The following DCPS variants were observed in gnomAD, a reference collection of about 807,000 sequenced individuals.
DCPS encodes decapping enzyme, scavenger.
A neutral mutation model predicts 34.7 loss-of-function variants in DCPS; 27 were observed. That is an observed-to-expected ratio of 0.78 (90% CI 0.57 to 1.07). The LOEUF (loss-of-function observed/expected upper bound fraction) is 1.07, where lower values mean the gene tolerates loss of function less well. DCPS is among the 50% of genes least tolerant of loss of function. DCPS has a pLI of 0.00. For missense variants in DCPS, 464 were observed against 436.9 expected, an observed-to-expected ratio of 1.06 and a Z score of -0.55; for synonymous variants, 185 against 185.7, an observed-to-expected ratio of 1.00 and a Z score of 0.03.
Position 126,335,216 on chromosome 11 carries a change from G to C in DCPS, c.523-3070G>C, listed in dbSNP as rs1264995004. ...CAGAGAGCAGGAGGTGATGAGGAAGGAGCAAGATGTCTCACGGGAGGTCAA... is the reference window on the plus strand; with the variant it reads ...CAGAGAGCAGGAGGTGATGAGGAAGCAGCAAGATGTCTCACGGGAGGTCAA... On this transcript the variant is annotated intron_variant, in intron 3 of 5. Transcript: ENST00000263579. This position sits in a 1 kb window ranked among gnomAD's most constrained non-coding sequence, Gnocchi z 4.8. 6.6e-6 allele frequency among the ~76,000 whole-genome samples: 1 copy of C among 152,242 alleles called. No homozygotes were observed. Among genetic ancestry groups the C allele is most frequent in the Non-Finnish European group, 1.5e-5 (1 of 68,040 alleles).
chr11:126,315,136 C>T lies in DCPS; in HGVS notation c.376+8392C>T, dbSNP rs1951648261. Among the ~76,000 whole-genome samples the T allele has an allele frequency of 1.3e-5, 2 of 152,036 alleles. No homozygotes were observed. Among genetic ancestry groups the T allele is most frequent in the African/African-American group, 4.8e-5 (2 of 41,328 alleles). On this transcript the variant is annotated intron_variant, in intron 2 of 5. Coordinates refer to ENST00000263579, the MANE Select transcript of DCPS (RefSeq NM_014026.6). The surrounding 1 kb of genome is among the most constrained non-coding windows in gnomAD (Gnocchi z 6.1). ...AGGAGTAAGAGGATCAAAAAACTCC[C>T]TATCAGGTATTATGCTTATTACCTG...
rs1389288524 is a variant in DCPS, at chr11:126,344,387, G to T, written c.748-960G>T. On this transcript the variant is annotated intron_variant, in intron 5 of 5. Transcript: ENST00000263579. This position sits in a 1 kb window ranked among gnomAD's most constrained non-coding sequence, Gnocchi z 8.1. ...TGGATATTACAAATGGCAAAGAATG[G>T]TGTCTTTCTCTTGGGGAGATGCCAG... Among the ~76,000 whole-genome samples the T allele has an allele frequency of 6.6e-6, 1 of 152,152 alleles. No homozygotes were observed. The highest frequency in any genetic ancestry group is 1.9e-4 in the East Asian group (1 of 5,188).
rs141670195 is a variant in DCPS at position 126,331,418 on chromosome 11, C to T, written c.390C>T (p.Thr130=). 48 of 1,613,946 alleles carry T rather than the reference C, an allele frequency of 3.0e-5. No individual in the cohort carries two copies. Among genetic ancestry groups the T allele is most frequent in the African/African-American group, 2.4e-4 (18 of 74,868 alleles). ...GTATCATTGCAGATGTAAAGACGAC[C>T]GTGGTTTACCCTGCCACAGAGAAAC... is the stretch of plus-strand genomic sequence containing the variant. ...PPRQLNDVKT[T]VVYPATEKHL... is the part of the protein sequence containing the mutation. The change falls in exon 3 of 6, where the codon ACC becomes ACT. Residue 130 remains threonine (T), a synonymous_variant. Coordinates refer to ENST00000263579, the MANE Select transcript of DCPS (RefSeq NM_014026.6). This position sits in a 1 kb window ranked among gnomAD's most constrained non-coding sequence, Gnocchi z 7.2.
intron 2 of DCPS, among the ~76,000 whole-genome samples, chr11:126,308,839 A>C (rs565445015): frequency 1.1e-4 from 17 of 152,004 alleles, no homozygotes; most frequent in African/African-American, 4.1e-4. Context: ...ATTGCACACA[A>C]GTGGAGGTAG....
Position 126,319,503 on chromosome 11 carries a change from A to T in DCPS, c.377-11902A>T, listed in dbSNP as rs1052879464. Among the ~76,000 whole-genome samples, 1 of 151,886 alleles carries T rather than the reference A, an allele frequency of 6.6e-6. No individual in the cohort carries two copies. Among genetic ancestry groups the T allele is most frequent in the African/African-American group, 2.4e-5 (1 of 41,334 alleles). Reference sequence around the variant, plus strand: ...CACACGGCTCTCCAGAGCTCAGGGGAGTGGACTCTCCTTCCCTGAGCTCCC... The same window carrying T: ...CACACGGCTCTCCAGAGCTCAGGGGTGTGGACTCTCCTTCCCTGAGCTCCC... On this transcript the variant is annotated intron_variant, in intron 2 of 5. Coordinates refer to ENST00000263579, the MANE Select transcript of DCPS (RefSeq NM_014026.6). This position sits in a 1 kb window ranked among gnomAD's most constrained non-coding sequence, Gnocchi z 4.5.
intron 4 of DCPS, 27 bp from the exon 5 acceptor site, chr11:126,343,280 C>T (rs749767609): frequency 3.8e-6 from 6 of 1,593,468 alleles, no homozygotes; most frequent in Non-Finnish European, 8.6e-7. Context: ...CCCTGCTGAG[C>T]CTGGTCTCCC....
rs554692894 is a variant in DCPS, at chr11:126,311,054, C to G, written c.376+4310C>G. 5.3e-5 allele frequency among the ~76,000 whole-genome samples: 8 copies of G among 152,326 alleles called. No homozygotes were observed. In the East Asian group the frequency reaches 1.5e-3, roughly 29 times the overall value. ...TCAAGTCTGGAGGTTTTGCAGTCTC[C>G]TCATTCGTTTATCCCCTCCACGTTC... On this transcript the variant is annotated intron_variant, in intron 2 of 5. Coordinates refer to ENST00000263579, the MANE Select transcript of DCPS (RefSeq NM_014026.6).
intron 4 of DCPS, chr11:126,341,021 T>G (rs1163260544): frequency 6.6e-6 from 1 of 152,224 alleles, no homozygotes; most frequent in African/African-American, 2.4e-5. Flanking sequence ...CCAAAACAAC[T>G]ATTGTTGCTA....
rs768738924 is a variant in DCPS at position 126,313,391 on chromosome 11, A to C, written c.376+6647A>C. On this transcript the variant is annotated intron_variant, in intron 2 of 5. Coordinates refer to ENST00000263579, the MANE Select transcript of DCPS (RefSeq NM_014026.6). This position sits in a 1 kb window ranked among gnomAD's most constrained non-coding sequence, Gnocchi z 4.9. ...TTTTAAAAGACAAGTCATTCTCAGA[A>C]GAGTTTGCTTGGTAGCATTGTTAAT... 1.3e-5 allele frequency among the ~76,000 whole-genome samples: 2 copies of C among 152,200 alleles called. No homozygotes were observed. The highest frequency in any genetic ancestry group is 2.9e-5 in the Non-Finnish European group (2 of 68,050).
In DCPS at chr11:126,333,621, C is replaced by A. The variant is rs975399676; in HGVS notation, c.522+2071C>A. ...AGAGGCACACAGAGCTGGAATCATC[C>A]GATGCTTTGGGGGAGCTGCAAGGAG... is the stretch of plus-strand genomic sequence containing the variant. On this transcript the variant is annotated intron_variant, in intron 3 of 5. Coordinates refer to ENST00000263579, the MANE Select transcript of DCPS (RefSeq NM_014026.6). This position sits in a 1 kb window ranked among gnomAD's most constrained non-coding sequence, Gnocchi z 5.7. 6.6e-6 allele frequency among the ~76,000 whole-genome samples: 1 copy of A among 152,114 alleles called. No homozygotes were observed. Among genetic ancestry groups the A allele is most frequent in the African/African-American group, 2.4e-5 (1 of 41,414 alleles).
At chr11:126,339,615 G>T (rs1951861829) in intron 4 of DCPS, among the ~76,000 whole-genome samples, 1 of 152,224 alleles carries the variant, frequency 6.6e-6, no homozygotes, top group South Asian at 2.1e-4. Context: ...TGATTCCCTA[G>T]AGCCAAGTAA....
chr11:126,304,088 A>G lies in DCPS; in HGVS notation c.8A>G (p.Asp3Gly), dbSNP rs371904995. ...CACCGCCTCCGCGGCAGCATGGCGGACGCAGCTCCTCAACTAGGCAAGAGG... is the reference window on the plus strand; with the variant it reads ...CACCGCCTCCGCGGCAGCATGGCGGGCGCAGCTCCTCAACTAGGCAAGAGG... Reference protein sequence around the residue: MADAAPQLGKRKR... With the variant: MAGAAPQLGKRKR... Residue 3 changes from aspartate (D) to glycine (G), a missense_variant, in exon 1 of 6, where the codon GAC becomes GGC. Asp to Gly is a moderately conservative substitution (Grantham distance 94). Coordinates refer to ENST00000263579, the MANE Select transcript of DCPS (RefSeq NM_014026.6). 1 of 1,599,974 alleles carries G rather than the reference A, an allele frequency of 6.3e-7. No homozygotes were observed. The highest frequency in any genetic ancestry group is 8.5e-7 in the Non-Finnish European group (1 of 1,173,596).
intron 2 of DCPS, among the ~76,000 whole-genome samples, chr11:126,307,472 G>A (rs1158345397): frequency 3.9e-5 from 6 of 151,904 alleles, no homozygotes; most frequent in South Asian, 2.1e-4. Flanking sequence ...GTGCAGTGGC[G>A]CGATCTCGGC....
In DCPS at chr11:126,347,822, TGACCCGCTTC is replaced by T. The variant is rs1413043470; in HGVS notation, c.*2210_*2219del. 2.6e-5 allele frequency among the ~76,000 whole-genome samples: 4 copies of T among 152,148 alleles called. No individual in the cohort carries two copies. Among genetic ancestry groups the T allele is most frequent in the Non-Finnish European group, 5.9e-5 (4 of 68,030 alleles). ...CCATTCCAGGTCCAGGGGAAAGAAG[TGACCCGCTTC>T]CCCTCTGAAAGCAGATGTGGTCCCA... On this transcript the variant is annotated 3_prime_UTR_variant, in exon 6 of 6. Coordinates refer to ENST00000263579, the MANE Select transcript of DCPS (RefSeq NM_014026.6). The surrounding 1 kb of genome is among the most constrained non-coding windows in gnomAD (Gnocchi z 4.2).
Position 126,336,292 on chromosome 11 carries a change from C to T in DCPS, c.523-1994C>T, listed in dbSNP as rs546668392. 5 of 152,642 alleles carry T rather than the reference C, an allele frequency of 3.3e-5. No homozygotes were observed. The East Asian group carries it at 7.7e-4, about 24-fold the overall frequency. The allele number at this position is 152,642 out of a possible 1,614,324, so 9.5% of individuals were successfully genotyped here. On this transcript the variant is annotated intron_variant, in intron 3 of 5. Coordinates refer to ENST00000263579, the MANE Select transcript of DCPS (RefSeq NM_014026.6). The surrounding 1 kb of genome is among the most constrained non-coding windows in gnomAD (Gnocchi z 6.3). ...CTCTCACCACCTCCTTTGCTCTCACCGCCTTTCCCTCTTTTCCTGTCCCCA... is the reference window on the plus strand; with the variant it reads ...CTCTCACCACCTCCTTTGCTCTCACTGCCTTTCCCTCTTTTCCTGTCCCCA...
rs908258173 is a variant in DCPS, at chr11:126,315,262, A to G, written c.376+8518A>G. Among the ~76,000 whole-genome samples, 23 of 152,120 alleles carry G rather than the reference A, an allele frequency of 1.5e-4. No homozygotes were observed. Among genetic ancestry groups the G allele is most frequent in the East Asian group, 1.2e-3 (6 of 5,198 alleles). On this transcript the variant is annotated intron_variant, in intron 2 of 5. Transcript: ENST00000263579. This position sits in a 1 kb window ranked among gnomAD's most constrained non-coding sequence, Gnocchi z 6.1. ...ACCTAAAATAAGAATTAAAAAAAAT[A>G]AAAAGAATATTTCTGGGCTGGGTGC... is the stretch of plus-strand genomic sequence containing the variant.
rs1009792635 is a variant in DCPS at position 126,327,455 on chromosome 11, C to T, written c.377-3950C>T. Among the ~76,000 whole-genome samples the T allele has an allele frequency of 1.3e-5, 2 of 152,276 alleles. No homozygotes were observed. Among genetic ancestry groups the T allele is most frequent in the Admixed American group, 6.5e-5 (1 of 15,296 alleles). On this transcript the variant is annotated intron_variant, in intron 2 of 5. Coordinates refer to ENST00000263579, the MANE Select transcript of DCPS (RefSeq NM_014026.6). This position sits in a 1 kb window ranked among gnomAD's most constrained non-coding sequence, Gnocchi z 4.1. ...AGCCTTTTGCTGCTGTAAAGCGACT[C>T]GTGTTCCCTTTGTAATTAATAAGTA...
rs1565370140 is a variant in DCPS, at chr11:126,306,583, C to T, written c.215C>T (p.Ser72Phe). The T allele has an allele frequency of 1.2e-6, 2 of 1,608,634 alleles. No individual in the cohort carries two copies. The highest frequency in any genetic ancestry group is 1.7e-6 in the Non-Finnish European group (2 of 1,176,156). ...IFLHGKVNEA[S>F]GDGDGEDAVV... The stretch of plus-strand genomic sequence containing the variant: ...CTCTGCCCACAGGTGAATGAGGCCT[C>T]TGGGGATGGGGATGGAGAGGATGCC... Residue 72 changes from serine to phenylalanine, a missense_variant, in exon 2 of 6, where the codon TCT (serine) becomes TTT (phenylalanine). Ser to Phe is a radical substitution (Grantham distance 155). Coordinates refer to ENST00000263579, the MANE Select transcript of DCPS (RefSeq NM_014026.6).
rs917645820 is a variant in DCPS at position 126,342,934 on chromosome 11, G to C, written c.637-373G>C. ...CTCTACTAAAAATATAAAGAGCATG[G>C]TGGCACGCACCTGTAGTCCCAGCTA... On this transcript the variant is annotated intron_variant, in intron 4 of 5. Transcript: ENST00000263579. This position sits in a 1 kb window ranked among gnomAD's most constrained non-coding sequence, Gnocchi z 4.4. Among the ~76,000 whole-genome samples the C allele has an allele frequency of 6.6e-6, 1 of 152,058 alleles. No homozygotes were observed. Among genetic ancestry groups the C allele is most frequent in the South Asian group, 2.1e-4 (1 of 4,824 alleles).
Sources: allele counts gnomAD v4.1 joint callset (sites outside exome capture counted in the v4.1 genomes callset), GRCh38; gene constraint gnomAD v4.1.1; non-coding constraint Gnocchi (gnomAD v3.1); transcripts MANE v1.5; gene names NCBI Gene and HGNC (gene_info 2026-07-23, HGNC 2026-07-21).